TSHR: variants seen among roughly 807,000 people sequenced by gnomAD.
TSHR encodes thyrotropin receptor.
A neutral mutation model predicts 64.1 loss-of-function variants in TSHR; 51 were observed. The ratio of observed to expected loss-of-function variants is 0.80; its 90% CI spans 0.64 to 1.01. The LOEUF (loss-of-function observed/expected upper bound fraction) is 1.01, where lower values mean the gene tolerates loss of function less well. TSHR is among the 50% of genes least tolerant of loss of function. TSHR has a pLI of 0.00. For missense variants in TSHR, 877 were observed against 942.8 expected (o/e 0.93, Z 0.91); for synonymous variants, 361 against 361.9 (o/e 1.00, Z 0.03).
In TSHR at chr14:81,104,417, T is replaced by C. The variant is rs997751109; in HGVS notation, c.615-3958T>C. 2.0e-4 allele frequency: 196 copies of C among 985,384 alleles called. No homozygotes were observed. The African/African-American group carries it at 3.2e-3, about 16-fold the overall frequency. The allele number at this position is 985,384 out of a possible 1,614,324, so 61.0% of individuals were successfully genotyped here. A position where few individuals can be genotyped will look rare whatever the true frequency, so the allele number is the denominator to read the frequency against. Reference sequence around the variant, plus strand: ...CTGAAATTCCATCTTGGAGCTGCAATGTATCCTAAAACTCCCCAGAGAGCC... The same window carrying C: ...CTGAAATTCCATCTTGGAGCTGCAACGTATCCTAAAACTCCCCAGAGAGCC... On this transcript the variant is annotated intron_variant, in intron 7 of 9. Coordinates refer to ENST00000298171, the MANE Select transcript of TSHR (RefSeq NM_000369.5).
intron 8 of TSHR, among the ~76,000 whole-genome samples, chr14:81,114,320 G>A (rs1159372665): frequency 5.9e-5 from 9 of 152,108 alleles, no homozygotes; most frequent in Admixed American, 2.6e-4. Context: ...CAGTGGGTGC[G>A]TGCACTGTGC....
chr14:81,059,377 A>T (rs1210885841), intron 1 of TSHR, among the ~76,000 whole-genome samples: 1 of 152,204 alleles, frequency 6.6e-6, no homozygotes, highest in East Asian at 1.9e-4. Context: ...CAACCAAGGC[A>T]ATTTATACCA....
At position 81,067,927 on chromosome 14, in the gene TSHR, C is replaced by CTATATATATATA. The variant is rs10528934; in HGVS notation, c.243-311_243-300dup. On this transcript the variant is annotated intron_variant, in intron 2 of 9. Coordinates refer to ENST00000298171, the MANE Select transcript of TSHR (RefSeq NM_000369.5). ...TAGTGGAACATTCCACAGGGTGACACTATATATATATATATATATATATAT... is the reference window on the plus strand; with the variant it reads ...TAGTGGAACATTCCACAGGGTGACACTATATATATATATATATATATATATATATATATATAT... Among the ~76,000 whole-genome samples the CTATATATATATA allele has an allele frequency of 3.7e-3, 355 of 95,732 alleles. 14 individuals are homozygous for CTATATATATATA. The highest frequency in any genetic ancestry group is 0.015 in the African/African-American group (255 of 16,850). The allele number at this position is 95,732 out of a possible 152,430, so 62.8% of individuals were successfully genotyped here.
chr14:81,090,279 C>T (rs1172282248), intron 4 of TSHR, among the ~76,000 whole-genome samples: 2 of 152,208 alleles, frequency 1.3e-5, no homozygotes, highest in East Asian at 3.8e-4. Context: ...GAGTCGCCCT[C>T]TGTCACCCAG....
intron 3 of TSHR, among the ~76,000 whole-genome samples, chr14:81,070,455 T>C (rs10148749): frequency 0.29 from 43,808 of 151,270 alleles, 10,685 homozygotes; most frequent in African/African-American, 0.68. Flanking sequence ...GGTGAAACCT[T>C]GTCTCTACTA....
intron 3 of TSHR, among the ~76,000 whole-genome samples, chr14:81,086,476 C>G (rs1166867790): frequency 3.9e-5 from 6 of 152,178 alleles, no homozygotes; most frequent in Non-Finnish European, 7.4e-5. Context: ...TCCCTGATGT[C>G]TCTTCTAGCT....
intron 1 of TSHR, among the ~76,000 whole-genome samples, chr14:81,056,547 C>T (rs1038166372): frequency 2.0e-5 from 3 of 152,076 alleles, no homozygotes; most frequent in Admixed American, 6.6e-5. Context: ...AGCTTCAATA[C>T]AAAAAATTAT....
chr14:81,133,986 A>C (rs1204509414), intron 8 of TSHR, among the ~76,000 whole-genome samples: 1 of 152,210 alleles, frequency 6.6e-6, no homozygotes, highest in African/African-American at 2.4e-5. Context: ...CAAGACAAGG[A>C]AACTGCAGCA....
At chr14:81,119,155 A>T (rs1346723162) in intron 8 of TSHR, among the ~76,000 whole-genome samples, 448 of 136,004 alleles carry the variant, frequency 3.3e-3, no homozygotes, top group African/African-American at 8.8e-3. Flanking sequence ...AAGCAATGGC[A>T]ACAAAAGCCA....
At chr14:81,068,890 T>G (rs980295028) in intron 3 of TSHR, among the ~76,000 whole-genome samples, 13 of 152,188 alleles carry the variant, frequency 8.5e-5, no homozygotes, top group Admixed American at 3.3e-4. Flanking sequence ...ATGTTTATCA[T>G]AAATATGGAA....
chr14:81,108,452 TGTGA>T lies in TSHR; in HGVS notation c.692+3_692+6del, dbSNP rs771577188. ...GGAGTATACAGTGGACCAAGCTTGC[TGTGA>T]GTAAGACATACAAAAGAATATTTTA... is the stretch of plus-strand genomic sequence containing the variant. On this transcript the variant is annotated splice_donor_variant and splice_donor_region_variant and intron_variant, in intron 8 of 9. Transcript: ENST00000298171. LOFTEE classifies it high-confidence loss of function. 2.5e-5 allele frequency: 41 copies of T among 1,612,954 alleles called. No individual in the cohort carries two copies. The highest frequency in any genetic ancestry group is 3.3e-5 in the Non-Finnish European group (39 of 1,179,458).
intron 1 of TSHR, among the ~76,000 whole-genome samples, chr14:81,002,631 A>T (rs945017050): frequency 1.1e-4 from 17 of 151,888 alleles, no homozygotes; most frequent in Non-Finnish European, 2.1e-4. Context: ...TCCATAGTTA[A>T]CCCTCTATCC....
chr14:80,986,469 CT>C (rs112848621), intron 1 of TSHR, among the ~76,000 whole-genome samples: 1 of 144,220 alleles, frequency 6.9e-6, no homozygotes, highest in East Asian at 1.9e-4. Context: ...TTCTGTCATT[CT>C]TTTTTTTGTT....
intron 3 of TSHR, among the ~76,000 whole-genome samples, chr14:81,070,816 G>T (rs1388802013): frequency 6.6e-6 from 1 of 151,872 alleles, no homozygotes; most frequent in Non-Finnish European, 1.5e-5. Flanking sequence ...ATTAGAAAAA[G>T]ATAGATACTT....
intron 1 of TSHR, among the ~76,000 whole-genome samples, chr14:81,011,791 C>T (rs1039124062): frequency 2.0e-5 from 3 of 152,024 alleles, no homozygotes; most frequent in Non-Finnish European, 4.4e-5. Flanking sequence ...TTTTCTCCTG[C>T]GGAGATTGCA....
intron 1 of TSHR, chr14:80,982,934 A>G (rs949886489): frequency 1.7e-5 from 9 of 522,702 alleles, no homozygotes; most frequent in Non-Finnish European, 2.8e-5. Context: ...TGCAAAATGG[A>G]ATGCTATGTG....
At chr14:81,085,000 C>T (rs1888183184) in intron 3 of TSHR, among the ~76,000 whole-genome samples, 1 of 152,086 alleles carries the variant, frequency 6.6e-6, no homozygotes, top group African/African-American at 2.4e-5. Flanking sequence ...CTTGCTTTTT[C>T]GCCCAGGATG....
chr14:81,118,362 A>T (rs1890625026), intron 8 of TSHR, among the ~76,000 whole-genome samples: 1 of 107,430 alleles, frequency 9.3e-6, no homozygotes, highest in African/African-American at 4.0e-5. Flanking sequence ...AAAAATCACA[A>T]GCATTCTTAT....
chr14:81,016,803 T>C (rs768153748), intron 1 of TSHR, among the ~76,000 whole-genome samples: 4 of 152,202 alleles, frequency 2.6e-5, no homozygotes, highest in Non-Finnish European at 5.9e-5. Context: ...TTTGAGTTGA[T>C]TTTTGTGTCT....
Sources: gnomAD v4.1 joint callset for allele counts (sites outside exome capture counted in the v4.1 genomes callset) on GRCh38, gnomAD v4.1.1 for gene constraint, MANE v1.5 for transcripts, NCBI Gene and HGNC (gene_info 2026-07-23, HGNC 2026-07-21) for gene names.